RASAL2: variants seen among roughly 807,000 people sequenced by gnomAD.
RASAL2 encodes the protein RAS protein activator like 2.
Under a neutral mutation model 128.9 loss-of-function variants are expected in RASAL2, and 58 were observed. The ratio of observed to expected loss-of-function variants is 0.45; its 90% CI spans 0.36 to 0.56. RASAL2 has a LOEUF of 0.56. Among genes scored for constraint, RASAL2 ranks in the 20% least tolerant of loss-of-function variants. The probability of loss-of-function intolerance (pLI) is 0.00; values close to 1 mark genes in which losing one functional copy is unlikely to be tolerated. For missense variants in RASAL2, 1,360 were observed against 1,601.6 expected (o/e 0.85, Z 2.57); for synonymous variants, 561 against 580.8 (o/e 0.97, Z 0.49).
intron 1 of RASAL2, among the ~76,000 whole-genome samples, chr1:178,141,814 T>G (rs1327687799): frequency 6.6e-6 from 1 of 152,074 alleles, no homozygotes; most frequent in Non-Finnish European, 1.5e-5. Context: ...GAGACAAACT[T>G]AACAAGGAGG....
At chr1:178,154,788 G>A (rs1167196882) in intron 1 of RASAL2, among the ~76,000 whole-genome samples, 2 of 151,728 alleles carry the variant, frequency 1.3e-5, no homozygotes, top group East Asian at 1.9e-4. Flanking sequence ...CATTTTATTG[G>A]GATATCAGCC....
At chr1:178,323,432 A>T (rs1422644123) in intron 3 of RASAL2, among the ~76,000 whole-genome samples, 5 of 152,226 alleles carry the variant, frequency 3.3e-5, no homozygotes, top group African/African-American at 9.6e-5. Context: ...AGGGAAAACC[A>T]TACCCACTTG....
intron 1 of RASAL2, among the ~76,000 whole-genome samples, chr1:178,248,214 G>A (rs749228077): frequency 1.1e-4 from 17 of 152,124 alleles, no homozygotes; most frequent in African/African-American, 2.2e-4. Context: ...AAGTCTCTTC[G>A]TAGATCTCTG....
intron 5 of RASAL2, among the ~76,000 whole-genome samples, chr1:178,436,374 G>A (rs950966397): frequency 3.9e-5 from 6 of 152,150 alleles, no homozygotes; most frequent in African/African-American, 9.6e-5. Flanking sequence ...CGGTAACTAG[G>A]AAGAGTTTGG....
Position 178,478,138 on chromosome 1 carries a change from C to T in RASAL2, c.*4899C>T, listed in dbSNP as rs1353824457. On this transcript the variant is annotated 3_prime_UTR_variant, in exon 18 of 18. Coordinates refer to ENST00000367649, the MANE Select transcript of RASAL2 (RefSeq NM_170692.4). ...TCCACTTAAATACCCTCATTTGACC[C>T]TAGGAAGTTTTTTGTTTTTTTTTTT... 6.6e-6 allele frequency: 1 copy of T among 151,942 alleles called. No homozygotes were observed. The highest frequency in any genetic ancestry group is 1.5e-5 in the Non-Finnish European group (1 of 67,966). The allele number at this position is 151,942 out of a possible 1,614,324, so 9.4% of individuals were successfully genotyped here.
chr1:178,291,364 T>C (rs550898908), intron 2 of RASAL2, among the ~76,000 whole-genome samples: 1 of 152,310 alleles, frequency 6.6e-6, no homozygotes, highest in East Asian at 1.9e-4. Flanking sequence ...GGTAATGACA[T>C]CATCAGATTT....
At chr1:178,346,763 A>G (rs960996155) in intron 3 of RASAL2, among the ~76,000 whole-genome samples, 5 of 152,224 alleles carry the variant, frequency 3.3e-5, no homozygotes. Context: ...GACCATTTTT[A>G]TTAACCAAAA....
chr1:178,096,277 T>C (rs1247938901), intron 1 of RASAL2, among the ~76,000 whole-genome samples: 3 of 152,194 alleles, frequency 2.0e-5, no homozygotes, highest in Non-Finnish European at 4.4e-5. Flanking sequence ...ATGTTAGAAA[T>C]AGGGCCATGC....
At chr1:178,111,241 G>A (rs556017722) in intron 1 of RASAL2, among the ~76,000 whole-genome samples, 1 of 152,130 alleles carries the variant, frequency 6.6e-6, no homozygotes, top group South Asian at 2.1e-4. Context: ...GAACATTTGT[G>A]TACTAGTCTT....
chr1:178,264,367 GT>G (rs1665843807), intron 1 of RASAL2, among the ~76,000 whole-genome samples: 1 of 152,112 alleles, frequency 6.6e-6, no homozygotes, highest in Non-Finnish European at 1.5e-5. Context: ...GACTTATACA[GT>G]TTTAAACATT....
At chr1:178,150,172 T>G (rs1660864363) in intron 1 of RASAL2, among the ~76,000 whole-genome samples, 1 of 152,170 alleles carries the variant, frequency 6.6e-6, no homozygotes, top group Non-Finnish European at 1.5e-5. Flanking sequence ...ATTAAGAAAT[T>G]ACAGTATATT....
rs547384518 is a variant in RASAL2 at position 178,476,555 on chromosome 1, T to C, written c.*3316T>C. Reference sequence around the variant, plus strand: ...AGGTAATCATGCTGCTATAGCTTTTTGCTTTTTTTCATATAGTATCAAGTT... The same window carrying C: ...AGGTAATCATGCTGCTATAGCTTTTCGCTTTTTTTCATATAGTATCAAGTT... On this transcript the variant is annotated 3_prime_UTR_variant, in exon 18 of 18. Coordinates refer to ENST00000367649, the MANE Select transcript of RASAL2 (RefSeq NM_170692.4). The C allele has an allele frequency of 6.6e-6, 1 of 152,230 alleles. No individual in the cohort carries two copies. Among genetic ancestry groups the C allele is most frequent in the Admixed American group, 6.5e-5 (1 of 15,288 alleles). 9.4% of individuals were successfully genotyped at this position (152,230 alleles called of 1,614,324 possible). A position where few individuals can be genotyped will look rare whatever the true frequency, so the allele number is the denominator to read the frequency against.
chr1:178,243,620 TGAC>T (rs1664626193), intron 1 of RASAL2, among the ~76,000 whole-genome samples: 2 of 142,740 alleles, frequency 1.4e-5, no homozygotes. Context: ...AAAAAAAAAA[TGAC>T]AACAACAAAA....
intron 1 of RASAL2, among the ~76,000 whole-genome samples, chr1:178,133,586 C>T (rs900056893): frequency 2.0e-5 from 3 of 151,266 alleles, no homozygotes; most frequent in Non-Finnish European, 2.9e-5. Context: ...CACTGTCTAA[C>T]AAAGTTTTGA....
At chr1:178,299,240 G>A (rs1667653000) in intron 2 of RASAL2, among the ~76,000 whole-genome samples, 1 of 152,106 alleles carries the variant, frequency 6.6e-6, no homozygotes, top group Non-Finnish European at 1.5e-5. Context: ...AAGAACATTT[G>A]GGTGATCTTA....
chr1:178,183,618 TGTA>T (rs1229010334), intron 1 of RASAL2, among the ~76,000 whole-genome samples: 1 of 152,232 alleles, frequency 6.6e-6, no homozygotes, highest in Non-Finnish European at 1.5e-5. Context: ...ACTCCTTTCA[TGTA>T]GTAATATGCC....
intron 1 of RASAL2, among the ~76,000 whole-genome samples, chr1:178,114,918 A>G (rs1659471232): frequency 1.3e-5 from 2 of 152,198 alleles, no homozygotes; most frequent in Admixed American, 6.5e-5. Context: ...ATTTGCTAAA[A>G]TTATGTTAAG....
rs563667560 is a variant in RASAL2, at chr1:178,336,212, C to T, written c.457+36094C>T. On this transcript the variant is annotated intron_variant, in intron 3 of 17. Transcript: ENST00000367649. ...CCTTTTTTTTTTTAATGCTTGATAA[C>T]AGTCTTTAGAGTTCTACTGGATTTT... Among the ~76,000 whole-genome samples the T allele has an allele frequency of 2.9e-3, 438 of 150,500 alleles. 2 individuals are homozygous for T. Among genetic ancestry groups the T allele is most frequent in the Admixed American group, 7.8e-3 (117 of 15,078 alleles).
intron 3 of RASAL2, chr1:178,341,639 G>C: frequency 6.2e-7 from 1 of 1,613,740 alleles, no homozygotes. Flanking sequence ...AGACCGAAAT[G>C]AAAAGTCACG....
Sources: gnomAD v4.1 joint callset for allele counts (sites outside exome capture counted in the v4.1 genomes callset) on GRCh38, gnomAD v4.1.1 for gene constraint, MANE v1.5 for transcripts, NCBI Gene and HGNC (gene_info 2026-07-23, HGNC 2026-07-21) for gene names.